Variants in ANO4 observed in about 807,000 individuals in gnomAD.
ANO4 encodes anoctamin 4, also known as anoctamin-4.
A neutral mutation model predicts 141.9 loss-of-function variants in ANO4; 69 were observed. The ratio of observed to expected loss-of-function variants is 0.49; its 90% CI spans 0.40 to 0.59. The LOEUF is 0.59. Among genes scored for constraint, ANO4 ranks in the 20% least tolerant of loss-of-function variants. ANO4 has a pLI of 0.00. For synonymous variants in ANO4, 350 were observed against 394.3 expected (o/e 0.89, Z 1.33); for missense variants, 894 against 1,162.2 (o/e 0.77, Z 3.36).
At chr12:100,746,290 C>T (rs2032098209) in intron 3 of ANO4, among the ~76,000 whole-genome samples, 1 of 151,986 alleles carries the variant, frequency 6.6e-6, no homozygotes, top group African/African-American at 2.4e-5. Context: ...CCCATCTCTA[C>T]TAAAATACAA....
chr12:100,971,964 C>A (rs750607151), intron 6 of ANO4, among the ~76,000 whole-genome samples: 5 of 151,918 alleles, frequency 3.3e-5, no homozygotes, highest in Non-Finnish European at 7.4e-5. Flanking sequence ...ACTTTGTATT[C>A]CTTAGTTATT....
At chr12:101,106,104 C>T (rs891793574) in intron 22 of ANO4, among the ~76,000 whole-genome samples, 1 of 151,662 alleles carries the variant, frequency 6.6e-6, no homozygotes, top group African/African-American at 2.4e-5. Context: ...GAAACTCTGT[C>T]TCAAAAAAAA....
At chr12:100,738,213 A>G (rs1489576432) in intron 2 of ANO4, among the ~76,000 whole-genome samples, 1 of 152,156 alleles carries the variant, frequency 6.6e-6, no homozygotes, top group African/African-American at 2.4e-5. Context: ...AAGAGGGGAC[A>G]TGATGGTGGG....
At chr12:101,044,203 G>A (rs1300463770) in intron 13 of ANO4, among the ~76,000 whole-genome samples, 2 of 152,110 alleles carry the variant, frequency 1.3e-5, no homozygotes, top group Non-Finnish European at 2.9e-5. Flanking sequence ...ATAGAAAGAA[G>A]CTCAGTCTTC....
chr12:101,015,528 A>T (rs938931351), intron 8 of ANO4, among the ~76,000 whole-genome samples: 4 of 152,178 alleles, frequency 2.6e-5, no homozygotes, highest in African/African-American at 9.7e-5. Flanking sequence ...AATTTAGGTT[A>T]TTTCCAGGCT....
intron 14 of ANO4, chr12:101,069,171 T>G: frequency 7.6e-7 from 1 of 1,314,686 alleles, no homozygotes; most frequent in Non-Finnish European, 1.1e-6. Context: ...GAACTGGAAA[T>G]AAAACATGCG....
intron 1 of ANO4, among the ~76,000 whole-genome samples, chr12:100,887,592 T>TG (rs2039900240): frequency 1.3e-5 from 2 of 152,188 alleles, no homozygotes; most frequent in African/African-American, 4.8e-5. Flanking sequence ...TAGCTGTCCT[T>TG]GCCTTTGCTG....
intron 1 of ANO4, chr12:100,733,739 A>G: frequency 1.4e-6 from 1 of 693,134 alleles, no homozygotes. Context: ...CTACTAAGTT[A>G]TAATTAACCT....
Position 100,908,811 on chromosome 12 carries a change from T to G in ANO4, c.55+6971T>G, listed in dbSNP as rs2040965292. 1.3e-5 allele frequency among the ~76,000 whole-genome samples: 2 copies of G among 152,220 alleles called. 1 individual carries two copies. The highest frequency in any genetic ancestry group is 4.8e-5 in the African/African-American group (2 of 41,472). ...AGTGTTCTCTAAGGCCCACTCGGATTGGTTACTAAGAACAAAAAGAGAATT... is the reference window on the plus strand; with the variant it reads ...AGTGTTCTCTAAGGCCCACTCGGATGGGTTACTAAGAACAAAAAGAGAATT... On this transcript the variant is annotated intron_variant, in intron 2 of 27. Transcript: ENST00000392977.
intron 17 of ANO4, among the ~76,000 whole-genome samples, chr12:101,092,371 C>A (rs1458211679): frequency 6.6e-6 from 1 of 152,178 alleles, no homozygotes; most frequent in Non-Finnish European, 1.5e-5. Flanking sequence ...CTGCCGGTTA[C>A]AGATATTCAC....
intron 1 of ANO4, among the ~76,000 whole-genome samples, chr12:100,826,335 A>T (rs2036339397): frequency 6.6e-6 from 1 of 152,042 alleles, no homozygotes; most frequent in Non-Finnish European, 1.5e-5. Flanking sequence ...AAAAAGATTC[A>T]CTAAGCTTAT....
chr12:101,109,188 C>A (rs1566261004), intron 22 of ANO4, among the ~76,000 whole-genome samples: 1 of 152,298 alleles, frequency 6.6e-6, no homozygotes, highest in South Asian at 2.1e-4. Context: ...TGATGTTATA[C>A]CCTCCTCAGT....
chr12:101,070,768 G>A lies in ANO4; in HGVS notation c.1313-8425G>A, dbSNP rs532633927. On this transcript the variant is annotated intron_variant, in intron 14 of 27. Coordinates refer to ENST00000392977, the MANE Select transcript of ANO4 (RefSeq NM_001286615.2). ...GGGAGAAAATATTTGTAAACTATCC[G>A]TCTGATAAGGGATTAATAACCAGAA... 1.7e-4 allele frequency among the ~76,000 whole-genome samples: 26 copies of A among 152,190 alleles called. No homozygotes were observed. The South Asian group carries it at 4.6e-3, about 27-fold the overall frequency.
intron 24 of ANO4, among the ~76,000 whole-genome samples, chr12:101,113,071 C>A (rs1385536812): frequency 6.6e-6 from 1 of 152,120 alleles, no homozygotes; most frequent in African/African-American, 2.4e-5. Context: ...GCATTATAAT[C>A]TTCACTTTGA....
At chr12:100,968,709 A>T (rs1165252626) in intron 5 of ANO4, among the ~76,000 whole-genome samples, 1 of 152,186 alleles carries the variant, frequency 6.6e-6, no homozygotes, top group Non-Finnish European at 1.5e-5. Context: ...GGAAAACTGT[A>T]CTATGTATTG....
chr12:101,071,709 G>A (rs370125361), intron 14 of ANO4, among the ~76,000 whole-genome samples: 2 of 152,102 alleles, frequency 1.3e-5, no homozygotes, highest in South Asian at 4.2e-4. Context: ...TGGATTGTTT[G>A]TAACACAAAG....
chr12:100,913,627 G>T lies in ANO4; in HGVS notation c.56-8599G>T, dbSNP rs186846664. 5.9e-5 allele frequency among the ~76,000 whole-genome samples: 9 copies of T among 152,312 alleles called. No homozygotes were observed. The East Asian group carries it at 1.3e-3, about 23-fold the overall frequency. ...GGGTTCAGTACTATCCACAGTTTCA[G>T]ATATCCACTGGGGGTCTTGGAATGT... On this transcript the variant is annotated intron_variant, in intron 2 of 27. Transcript: ENST00000392977.
intron 26 of ANO4, among the ~76,000 whole-genome samples, chr12:101,122,315 A>G (rs1025311620): frequency 2.0e-5 from 3 of 152,138 alleles, no homozygotes; most frequent in Non-Finnish European, 2.9e-5. Context: ...ATAGTTTGCA[A>G]ATATTTTCTC....
At chr12:100,937,949 C>G (rs1319223439) in intron 3 of ANO4, among the ~76,000 whole-genome samples, 1 of 152,180 alleles carries the variant, frequency 6.6e-6, no homozygotes, top group Non-Finnish European at 1.5e-5. Context: ...GACAATGTCC[C>G]CATTTTAAGA....
Sources: gnomAD v4.1 joint callset for allele counts (sites outside exome capture counted in the v4.1 genomes callset) on GRCh38, gnomAD v4.1.1 for gene constraint, MANE v1.5 for transcripts, NCBI Gene and HGNC (gene_info 2026-07-23, HGNC 2026-07-21) for gene names.